The following LIMCH1 variants were observed in gnomAD, a reference collection of about 807,000 sequenced individuals.
LIMCH1 encodes the protein LIM and calponin homology domains 1, also known as LIM and calponin homology domains-containing protein 1.
LIMCH1 carries 113 observed loss-of-function variants against 176.5 expected under a neutral mutation model. The observed-to-expected ratio is 0.64, with a 90% CI of 0.55 to 0.75. LIMCH1 has a LOEUF of 0.75. LIMCH1 is among the 30% of genes least tolerant of loss of function. The pLI, the probability that LIMCH1 is intolerant of heterozygous loss-of-function variation, is 0.00. For synonymous variants in LIMCH1, 619 were observed against 645.9 expected (o/e 0.96, Z 0.63); for missense variants, 1,674 against 1,814.9 (o/e 0.92, Z 1.41).
chr4:41,682,349 GA>G lies in LIMCH1; in HGVS notation c.3737del (p.Asn1246ThrfsTer24). 6.2e-7 allele frequency: 1 copy of G among 1,611,312 alleles called. No homozygotes were observed. Among genetic ancestry groups the G allele is most frequent in the Non-Finnish European group, 8.5e-7 (1 of 1,177,858 alleles). ...GSGTMNKIDL[G>X]NCQDEKQDRR... ...TCTCCTTAGAATAAGATAGACCTGG[GA>G]AACTGTCAAGATGAAAAACAAGACA... On this transcript the variant is annotated frameshift_variant, in exon 26 of 32. Transcript: ENST00000503057. LOFTEE classifies it high-confidence loss of function.
chr4:41,667,550 C>T (rs1191840037), intron 21 of LIMCH1, among the ~76,000 whole-genome samples: 3 of 152,092 alleles, frequency 2.0e-5, no homozygotes, highest in Non-Finnish European at 4.4e-5. Context: ...CCTCTAGAAA[C>T]GTGGGCATTT....
intron 4 of LIMCH1, among the ~76,000 whole-genome samples, chr4:41,609,143 AG>A (rs1360128409): frequency 6.6e-6 from 1 of 152,132 alleles, no homozygotes; most frequent in Non-Finnish European, 1.5e-5. Flanking sequence ...TATTACAGGA[AG>A]AAAGGGAAAA....
rs181218263 is a variant in LIMCH1, at chr4:41,407,914, G to A, written c.96+46978G>A. 7.3e-5 allele frequency among the ~76,000 whole-genome samples: 11 copies of A among 151,546 alleles called. No individual in the cohort carries two copies. In the East Asian group the frequency reaches 1.4e-3, roughly 19 times the overall value. On this transcript the variant is annotated intron_variant, in intron 1 of 26. Coordinates refer to the LIMCH1 transcript ENST00000313860. The stretch of plus-strand genomic sequence containing the variant: ...GTCACTTAGTGGATCAACTAAGTGC[G>A]TATTGCTGGACTTAGTTTTGTAGGC...
chr4:41,360,982 C>T lies in LIMCH1; in HGVS notation c.96+46C>T. The T allele has an allele frequency of 2.8e-6, 4 of 1,421,094 alleles. No homozygotes were observed. Among genetic ancestry groups the T allele is most frequent in the South Asian group, 2.6e-5 (2 of 78,170 alleles). 88.0% of individuals were successfully genotyped at this position (1,421,094 alleles called of 1,614,324 possible). The stretch of plus-strand genomic sequence containing the variant: ...GGCGGCCTTGCACTGGCGCCCTGAG[C>T]CACGGACCCGCGCACGCTCCGACCG... On this transcript the variant is annotated intron_variant, in intron 1 of 26. Coordinates refer to the LIMCH1 transcript ENST00000313860. This position sits in a 1 kb window ranked among gnomAD's most constrained non-coding sequence, Gnocchi z 4.5.
chr4:41,671,569 G>A lies in LIMCH1; in HGVS notation c.3413G>A (p.Ser1138Asn), dbSNP rs2095034302. The A allele has an allele frequency of 1.2e-6, 2 of 1,605,218 alleles. No homozygotes were observed. The highest frequency in any genetic ancestry group is 8.5e-7 in the Non-Finnish European group (1 of 1,172,486). The change falls in exon 22 of 32, where the codon AGT becomes AAT. Residue 1138 changes from serine to asparagine, a missense_variant. Physicochemically the swap from Ser to Asn is conservative, Grantham distance 46. This residue lies in a region of LIMCH1 where 1,015 missense variants were observed against 1,102.5 expected (regional missense o/e 0.92). Coordinates refer to ENST00000503057, the MANE Select transcript of LIMCH1 (RefSeq NM_001330672.2). The stretch of plus-strand genomic sequence containing the variant: ...TTCTGTGCAGTGGATTCTCCAAGCA[G>A]TGAGAAGTCACCTGTTATGACACCT... The part of the protein sequence containing the change: ...NLNSQVDSPS[S>N]EKSPVMTPFK...
At chr4:41,513,309 A>G (rs1409872993) in intron 2 of LIMCH1, among the ~76,000 whole-genome samples, 2 of 152,178 alleles carry the variant, frequency 1.3e-5, no homozygotes, top group Non-Finnish European at 2.9e-5. Flanking sequence ...TTGCTGTTTG[A>G]TGATTTTCCT....
At chr4:41,364,385 CTGT>C (rs1442140489) in intron 1 of LIMCH1, among the ~76,000 whole-genome samples, 4 of 149,640 alleles carry the variant, frequency 2.7e-5, no homozygotes, top group Non-Finnish European at 4.4e-5. Context: ...TTGTTTTTTT[CTGT>C]TGTTAATAAC....
chr4:41,674,639 C>T (rs917007589), intron 22 of LIMCH1, among the ~76,000 whole-genome samples: 1 of 101,698 alleles, frequency 9.8e-6, no homozygotes, highest in African/African-American at 4.8e-5. Context: ...ATTTGATATG[C>T]CCAACCTACT....
chr4:41,507,164 G>A (rs1041306403), intron 2 of LIMCH1, among the ~76,000 whole-genome samples: 1 of 152,222 alleles, frequency 6.6e-6, no homozygotes, highest in African/African-American at 2.4e-5. Flanking sequence ...GTGGGGCCAA[G>A]GGAATAGGGT....
intron 2 of LIMCH1, among the ~76,000 whole-genome samples, chr4:41,506,609 C>G (rs186065341): frequency 6.6e-6 from 1 of 152,148 alleles, no homozygotes. Flanking sequence ...AAGATTTAAT[C>G]TCCAAGATTT....
Position 41,697,895 on chromosome 4 carries a change from T to C in LIMCH1, c.*710T>C, listed in dbSNP as rs1159301696. The C allele has an allele frequency of 1.3e-5, 2 of 152,156 alleles. No individual in the cohort carries two copies. Among genetic ancestry groups the C allele is most frequent in the African/African-American group, 4.8e-5 (2 of 41,436 alleles). The allele number at this position is 152,156 out of a possible 1,614,324, so 9.4% of individuals were successfully genotyped here. A position where few individuals can be genotyped will look rare whatever the true frequency, so the allele number is the denominator to read the frequency against. ...GCAAAACCTTGCAATATCAGCTAGA[T>C]TTACACTCCGGGACGTTGCCCAAAG... On this transcript the variant is annotated 3_prime_UTR_variant, in exon 32 of 32. Transcript: ENST00000503057.
At chr4:41,635,417 G>A (rs551901019) in intron 13 of LIMCH1, among the ~76,000 whole-genome samples, 21 of 152,178 alleles carry the variant, frequency 1.4e-4, no homozygotes, top group Admixed American at 1.1e-3. Context: ...TAGTAGAGAC[G>A]GGGTTTCGCT....
At chr4:41,447,413 T>A (rs901867260) in intron 1 of LIMCH1, among the ~76,000 whole-genome samples, 6 of 152,198 alleles carry the variant, frequency 3.9e-5, no homozygotes, top group Admixed American at 2.6e-4. Context: ...AGACAAACCT[T>A]GGGCAGCAAA....
At chr4:41,547,727 T>TATAATATATACATAA (rs2079700173) in intron 1 of LIMCH1, among the ~76,000 whole-genome samples, 1 of 145,246 alleles carries the variant, frequency 6.9e-6, no homozygotes, top group Non-Finnish European at 1.5e-5. Flanking sequence ...TATATACATA[T>TATAATATATACATAA]ATAATATATA....
At chr4:41,590,726 C>T (rs6447096) in intron 1 of LIMCH1, among the ~76,000 whole-genome samples, 13,151 of 152,172 alleles carry the variant, frequency 0.086, 1,857 homozygotes, top group African/African-American at 0.3. Context: ...CCAGAATTCC[C>T]CCAGGCAGAA....
intron 1 of LIMCH1, among the ~76,000 whole-genome samples, chr4:41,567,566 T>G (rs1306264656): frequency 6.6e-6 from 1 of 152,184 alleles, no homozygotes; most frequent in African/African-American, 2.4e-5. Flanking sequence ...GGTACTGAGT[T>G]AGGTGCTATA....
At chr4:41,653,515 A>G (rs1439459920) in intron 18 of LIMCH1, among the ~76,000 whole-genome samples, 1 of 152,202 alleles carries the variant, frequency 6.6e-6, no homozygotes, top group African/African-American at 2.4e-5. Context: ...CTTTTTAAAT[A>G]GTGTCTTTCT....
intron 1 of LIMCH1, among the ~76,000 whole-genome samples, chr4:41,379,358 C>T (rs539687989): frequency 6.6e-6 from 1 of 152,282 alleles, no homozygotes; most frequent in South Asian, 2.1e-4. Context: ...GTCCTTATAA[C>T]ATGGCAGCTG....
intron 1 of LIMCH1, among the ~76,000 whole-genome samples, chr4:41,392,867 C>G (rs868003278): frequency 4.6e-5 from 7 of 151,800 alleles, no homozygotes; most frequent in African/African-American, 1.7e-4. Flanking sequence ...CCCGTCTCTA[C>G]AAAAAAATAC....
Sources: allele counts gnomAD v4.1 joint callset (sites outside exome capture counted in the v4.1 genomes callset), GRCh38; gene constraint gnomAD v4.1.1; regional missense constraint gnomAD v4.1.1; non-coding constraint Gnocchi (gnomAD v3.1); transcripts MANE v1.5; gene names NCBI Gene and HGNC (gene_info 2026-07-23, HGNC 2026-07-21).